The following RGS6 variants were observed in gnomAD, a reference collection of about 807,000 sequenced individuals.
The protein encoded by RGS6 is regulator of G-protein signaling 6.
RGS6 carries 30 observed loss-of-function variants against 78.5 expected under a neutral mutation model. The ratio of observed to expected loss-of-function variants is 0.38; its 90% confidence interval spans 0.29 to 0.52. The LOEUF (loss-of-function observed/expected upper bound fraction) is 0.52. Ranked by LOEUF, RGS6 falls within the 20% of genes least tolerant of loss-of-function variation. RGS6 has a pLI of 0.85. For missense variants in RGS6, 495 were observed against 609.7 expected (o/e 0.81, Z 1.98); for synonymous variants, 206 against 206.0 (o/e 1.00, Z 0.00).
chr14:72,404,868 G>A (rs762438117), intron 3 of RGS6, among the ~76,000 whole-genome samples: 2 of 152,168 alleles, frequency 1.3e-5, no homozygotes, highest in Non-Finnish European at 2.9e-5. Flanking sequence ...CACTGTAAGA[G>A]AACGATGACA....
chr14:71,988,114 A>G (rs1227519294), intron 2 of RGS6, among the ~76,000 whole-genome samples: 2 of 152,154 alleles, frequency 1.3e-5, no homozygotes, highest in Non-Finnish European at 2.9e-5. Context: ...GCCAGGGAAG[A>G]GTCTGACCCT....
chr14:72,390,241 A>G (rs28472269), intron 3 of RGS6, among the ~76,000 whole-genome samples: 11,542 of 151,944 alleles, frequency 0.076, 1,168 homozygotes, highest in East Asian at 0.4. Flanking sequence ...GGGATTACAG[A>G]TGCATGCCAC....
chr14:71,958,874 T>C (rs543515713), intron 1 of RGS6, among the ~76,000 whole-genome samples: 16 of 152,280 alleles, frequency 1.1e-4, no homozygotes, highest in African/African-American at 3.9e-4. Context: ...ACCGGGAGTA[T>C]GTATATTTAG....
At chr14:72,218,093 A>G (rs1265181611) in intron 2 of RGS6, among the ~76,000 whole-genome samples, 1 of 152,168 alleles carries the variant, frequency 6.6e-6, no homozygotes, top group African/African-American at 2.4e-5. Flanking sequence ...TAAGATATTC[A>G]AGCGTGTCCC....
In RGS6 at chr14:72,153,723, G is replaced by C. The variant is rs2097973; in HGVS notation, c.84+188848G>C. On this transcript the variant is annotated intron_variant, in intron 2 of 17. Coordinates refer to ENST00000553525, the MANE Select transcript of RGS6 (RefSeq NM_001204424.2). ...GATTTCAAAAGGGGAGGGGGTGTAC[G>C]ACCAGGGAGTAGGTACAAAGATCAC... Among the ~76,000 whole-genome samples the C allele has an allele frequency of 3.9e-3, 599 of 152,220 alleles. 4 individuals carry two copies. Among genetic ancestry groups the C allele is most frequent in the African/African-American group, 0.014 (577 of 41,528 alleles).
At chr14:72,227,595 G>GT (rs2048421561) in intron 2 of RGS6, among the ~76,000 whole-genome samples, 1 of 152,180 alleles carries the variant, frequency 6.6e-6, no homozygotes, top group South Asian at 2.1e-4. Flanking sequence ...AAGCAAAATC[G>GT]TAAGTTGTAA....
intron 2 of RGS6, among the ~76,000 whole-genome samples, chr14:72,267,963 A>T (rs1260175913): frequency 6.6e-6 from 1 of 152,218 alleles, no homozygotes; most frequent in Non-Finnish European, 1.5e-5. Flanking sequence ...ACACACTCGC[A>T]CACTCACTCA....
intron 17 of RGS6, chr14:72,541,615 G>A: frequency 6.5e-7 from 1 of 1,535,598 alleles, no homozygotes; most frequent in Non-Finnish European, 8.7e-7. Flanking sequence ...GATGGCCTGA[G>A]AGAAGGTAGT....
chr14:72,330,527 A>C (rs184291457), intron 2 of RGS6, among the ~76,000 whole-genome samples: 41 of 152,322 alleles, frequency 2.7e-4, no homozygotes, highest in Admixed American at 4.6e-4. Flanking sequence ...TCCTTGTGCC[A>C]GGGAGGTCAT....
intron 1 of RGS6, among the ~76,000 whole-genome samples, chr14:71,946,826 A>G (rs1039697240): frequency 3.9e-5 from 6 of 152,110 alleles, no homozygotes; most frequent in African/African-American, 1.4e-4. Flanking sequence ...GTCCTTAAAA[A>G]CCTTTCTGGC....
At chr14:72,335,615 G>A (rs2239245) in intron 2 of RGS6, among the ~76,000 whole-genome samples, 9,035 of 152,150 alleles carry the variant, frequency 0.059, 415 homozygotes, top group East Asian at 0.26. Flanking sequence ...TGTTTTTAAC[G>A]TGGTTTATGG....
At chr14:72,432,872 T>C (rs2094712645) in intron 3 of RGS6, among the ~76,000 whole-genome samples, 1 of 152,120 alleles carries the variant, frequency 6.6e-6, no homozygotes, top group Non-Finnish European at 1.5e-5. Context: ...AATTCTACAA[T>C]CACAGCCAAA....
chr14:72,194,141 G>A (rs1365216739), intron 2 of RGS6, among the ~76,000 whole-genome samples: 1 of 152,062 alleles, frequency 6.6e-6, no homozygotes, highest in South Asian at 2.1e-4. Flanking sequence ...GGTGAGGAAC[G>A]GTCGGTCAGA....
At chr14:72,371,965 C>T (rs993511059) in intron 3 of RGS6, among the ~76,000 whole-genome samples, 3 of 152,138 alleles carry the variant, frequency 2.0e-5, no homozygotes, top group African/African-American at 7.2e-5. Context: ...GAATTCTATA[C>T]ACTAAAATCG....
At chr14:72,265,930 C>T (rs867466327) in intron 2 of RGS6, among the ~76,000 whole-genome samples, 142 of 9,464 alleles carry the variant, frequency 0.015, 3 homozygotes, top group South Asian at 0.041. Flanking sequence ...TCAGTCCTAT[C>T]GCTTTTTTGG....
At chr14:72,209,152 G>T (rs1361066475) in intron 2 of RGS6, among the ~76,000 whole-genome samples, 1 of 152,090 alleles carries the variant, frequency 6.6e-6, no homozygotes, top group Non-Finnish European at 1.5e-5. Context: ...GAGGTGGGAG[G>T]ATTGCTTGAG....
At chr14:72,424,675 T>C (rs1201677080) in intron 3 of RGS6, among the ~76,000 whole-genome samples, 1 of 152,194 alleles carries the variant, frequency 6.6e-6, no homozygotes, top group Non-Finnish European at 1.5e-5. Context: ...CTATTAATAC[T>C]TTTTAGTGTG....
chr14:72,117,404 A>G (rs757278891), intron 2 of RGS6, among the ~76,000 whole-genome samples: 1 of 152,020 alleles, frequency 6.6e-6, no homozygotes, highest in Admixed American at 6.6e-5. Flanking sequence ...CTCTTGCTCC[A>G]GCTCTCCCCA....
intron 12 of RGS6, among the ~76,000 whole-genome samples, chr14:72,486,023 G>T (rs2096482925): frequency 6.6e-6 from 1 of 152,132 alleles, no homozygotes; most frequent in African/African-American, 2.4e-5. Context: ...GGAGGTAATT[G>T]AATCATGCTG....
Sources: gnomAD v4.1 joint callset for allele counts (sites outside exome capture counted in the v4.1 genomes callset) on GRCh38, gnomAD v4.1.1 for gene constraint, MANE v1.5 for transcripts, NCBI Gene and HGNC (gene_info 2026-07-23, HGNC 2026-07-21) for gene names.